The following TMEM263 variants were observed in gnomAD, a reference collection of about 807,000 sequenced individuals.
The protein encoded by TMEM263 is transmembrane protein 263.
Under a neutral mutation model 8.6 loss-of-function variants are expected in TMEM263, and 5 were observed. The observed-to-expected ratio is 0.58, with a 90% CI of 0.31 to 1.23. The LOEUF is 1.23. Ranked by LOEUF, TMEM263 falls within the 50% of genes most tolerant of loss-of-function variation. TMEM263 has a pLI of 0.07. For missense variants in TMEM263, 104 were observed against 138.8 expected, an observed-to-expected ratio of 0.75 and a Z score of 1.26; for synonymous variants, 50 against 47.9, an observed-to-expected ratio of 1.04 and a Z score of -0.18.
At chr12:106,970,523 C>T (rs1017291575) in intron 3 of TMEM263, among the ~76,000 whole-genome samples, 9 of 152,164 alleles carry the variant, frequency 5.9e-5, no homozygotes, top group African/African-American at 9.7e-5. Flanking sequence ...TTGTATTATA[C>T]ATCATTCTGC....
rs1390059010 is a variant in TMEM263 at position 106,972,406 on chromosome 12, C to T, written c.*1015C>T. ...GATGTCTTAAATTATTAGCAGTACT[C>T]CTTTTTTAAAAACACTGTAAAAGTA... is the stretch of plus-strand genomic sequence containing the variant. On this transcript the variant is annotated 3_prime_UTR_variant, in exon 4 of 4. Transcript: ENST00000280756. 6.6e-6 allele frequency: 1 copy of T among 152,108 alleles called. No individual in the cohort carries two copies. Among genetic ancestry groups the T allele is most frequent in the East Asian group, 1.9e-4 (1 of 5,200 alleles). 9.4% of individuals were successfully genotyped at this position (152,108 alleles called of 1,614,324 possible).
Position 106,971,295 on chromosome 12 carries a change from G to A in TMEM263, c.255G>A (p.Gly85=), listed in dbSNP as rs181101012. 6.2e-7 allele frequency: 1 copy of A among 1,614,198 alleles called. No individual in the cohort carries two copies. Residue 85 remains glycine, a synonymous_variant, in exon 4 of 4, where the codon GGG becomes GGA. Coordinates refer to ENST00000280756, the MANE Select transcript of TMEM263 (RefSeq NM_152261.4). ...VPSMGIGLVK[G]GVSAVAGGVT... is the part of the protein sequence containing the mutation. Reference sequence around the variant, plus strand: ...CCATGGGAATAGGGCTGGTGAAAGGGGGTGTCTCTGCTGTGGCTGGAGGTG... The same window carrying A: ...CCATGGGAATAGGGCTGGTGAAAGGAGGTGTCTCTGCTGTGGCTGGAGGTG...
Position 106,967,088 on chromosome 12 carries a change from GTGTT to G in TMEM263, c.-6-19_-6-16del. ...TCACATGTTGAGGTTAAAATGAAAT[GTGTT>G]TGTATGTTTTTTTTTTAGGAGATCA... On this transcript the variant is annotated intron_variant, in intron 2 of 3. Transcript: ENST00000280756. The G allele has an allele frequency of 6.7e-7, 1 of 1,488,460 alleles. No individual in the cohort carries two copies. The highest frequency in any genetic ancestry group is 9.2e-7 in the Non-Finnish European group (1 of 1,081,718). 92.2% of individuals were successfully genotyped at this position (1,488,460 alleles called of 1,614,324 possible).
chr12:106,961,588 C>T (rs1044431345), intron 2 of TMEM263, among the ~76,000 whole-genome samples: 2 of 152,002 alleles, frequency 1.3e-5, no homozygotes, highest in African/African-American at 2.4e-5. Flanking sequence ...TTTAAGCTTC[C>T]AGGAAGCCAA....
intron 3 of TMEM263, among the ~76,000 whole-genome samples, chr12:106,969,112 TCCC>T (rs1049489838): frequency 5.3e-5 from 8 of 152,218 alleles, no homozygotes; most frequent in Non-Finnish European, 1.0e-4. Flanking sequence ...AGTGAGATTT[TCCC>T]ACTTGTGATA....
intron 1 of TMEM263, 78 bp downstream of exon 1, chr12:106,956,143 C>T: frequency 1.3e-6 from 1 of 770,006 alleles, no homozygotes; most frequent in Non-Finnish European, 1.6e-6. Context: ...CCGTCGGCGC[C>T]CCTGCCCCTC....
intron 2 of TMEM263, among the ~76,000 whole-genome samples, chr12:106,961,202 C>T (rs61942383): frequency 0.013 from 1,818 of 138,372 alleles, 18 homozygotes; most frequent in Middle Eastern, 0.027. Context: ...GGACTACAGG[C>T]GTGCACCACC....
intron 2 of TMEM263, among the ~76,000 whole-genome samples, chr12:106,962,530 G>A (rs1359120219): frequency 4.6e-5 from 7 of 152,132 alleles, no homozygotes; most frequent in Non-Finnish European, 7.3e-5. Flanking sequence ...GGCCAATTAA[G>A]GCTGTCAGTC....
chr12:106,963,454 T>TA (rs1378722511), intron 2 of TMEM263, among the ~76,000 whole-genome samples: 8 of 152,050 alleles, frequency 5.3e-5, no homozygotes, highest in Middle Eastern at 3.4e-3. Context: ...GATGGGAATG[T>TA]AAAAAAAAGC....
chr12:106,964,191 C>T (rs1360361578), intron 2 of TMEM263, among the ~76,000 whole-genome samples: 1 of 152,142 alleles, frequency 6.6e-6, no homozygotes, highest in African/African-American at 2.4e-5. Flanking sequence ...ACATATTCTA[C>T]CAGGAATTTC....
rs1951925756 is a variant in TMEM263 at position 106,971,802 on chromosome 12, T to C, written c.*411T>C. 6.4e-6 allele frequency: 1 copy of C among 156,132 alleles called. No individual in the cohort carries two copies. Among genetic ancestry groups the C allele is most frequent in the Non-Finnish European group, 1.4e-5 (1 of 70,626 alleles). 9.7% of individuals were successfully genotyped at this position (156,132 alleles called of 1,614,324 possible). A position where few individuals can be genotyped will look rare whatever the true frequency, so the allele number is the denominator to read the frequency against. ...AATTACATAAGCCGTACCTTTGATG[T>C]GCCTAATAGTTTCAGATGTCTTAGT... On this transcript the variant is annotated 3_prime_UTR_variant, in exon 4 of 4. Coordinates refer to ENST00000280756, the MANE Select transcript of TMEM263 (RefSeq NM_152261.4).
At chr12:106,967,653 A>AC (rs201621442) in intron 3 of TMEM263, among the ~76,000 whole-genome samples, 1,808 of 152,334 alleles carry the variant, frequency 0.012, 31 homozygotes, top group African/African-American at 0.041. Context: ...GCTTCTAATA[A>AC]GAAAGCATAG....
intron 3 of TMEM263, among the ~76,000 whole-genome samples, chr12:106,970,335 A>C (rs575489780): frequency 7.0e-4 from 106 of 152,330 alleles, no homozygotes; most frequent in Non-Finnish European, 1.2e-3. Context: ...TTATGCATTA[A>C]AAGAACCCAT....
At position 106,971,138 on chromosome 12, in the gene TMEM263, G is replaced by A; in HGVS notation, c.98G>A (p.Gly33Asp). 7 of 1,614,172 alleles carry A rather than the reference G, an allele frequency of 4.3e-6. No individual in the cohort carries two copies. Among genetic ancestry groups the A allele is most frequent in the Non-Finnish European group, 5.9e-6 (7 of 1,180,038 alleles). The change falls in exon 4 of 4, where the codon GGC becomes GAC. Residue 33 changes from glycine to aspartate, a missense_variant. By Grantham distance (94) the Gly-to-Asp change is moderately conservative. Transcript: ENST00000280756. ...SMKDHPQQQP[G>D]MLSRVTGGIF... is the part of the protein sequence containing the mutation. The stretch of plus-strand genomic sequence containing the variant: ...AAAGATCACCCACAGCAGCAGCCAG[G>A]CATGTTGTCCCGTGTGACTGGGGGT...
At chr12:106,965,326 G>A (rs1951829865) in intron 2 of TMEM263, among the ~76,000 whole-genome samples, 1 of 152,028 alleles carries the variant, frequency 6.6e-6, no homozygotes, top group African/African-American at 2.4e-5. Flanking sequence ...TCCATCCTTG[G>A]CCGGGCGCAG....
chr12:106,957,591 C>T (rs565219090), intron 2 of TMEM263, among the ~76,000 whole-genome samples: 1 of 152,190 alleles, frequency 6.6e-6, no homozygotes, highest in African/African-American at 2.4e-5. Context: ...TATGCTTGTT[C>T]ACAAGGATGC....
At chr12:106,965,017 A>G (rs1951825368) in intron 2 of TMEM263, among the ~76,000 whole-genome samples, 2 of 152,180 alleles carry the variant, frequency 1.3e-5, no homozygotes, top group Middle Eastern at 3.4e-3. Flanking sequence ...GCCTTTTACT[A>G]GTTTCCCATC....
chr12:106,959,965 C>A (rs1951747982), intron 2 of TMEM263, among the ~76,000 whole-genome samples: 1 of 152,006 alleles, frequency 6.6e-6, no homozygotes, highest in Admixed American at 6.6e-5. Context: ...TCTAAGAGTT[C>A]TAGAGGAATT....
At chr12:106,970,967 G>T (rs1328120923) in intron 3 of TMEM263, 138 bp from the exon 4 acceptor site, 5 of 766,468 alleles carry the variant, frequency 6.5e-6, no homozygotes, top group Non-Finnish European at 8.4e-6. Flanking sequence ...GCTCTTCAGT[G>T]TCTTTGAATC....
Sources: allele counts gnomAD v4.1 joint callset (sites outside exome capture counted in the v4.1 genomes callset), GRCh38; gene constraint gnomAD v4.1.1; transcripts MANE v1.5; gene names NCBI Gene and HGNC (gene_info 2026-07-23, HGNC 2026-07-21).